Variants in STS observed in about 807,000 individuals in gnomAD.
STS encodes steryl-sulfatase.
In STS, 7 loss-of-function variants were observed where a neutral mutation model predicts 26.8. The observed-to-expected ratio is 0.26, with a 90% CI of 0.15 to 0.49. The LOEUF is 0.49. Ranked by LOEUF, STS falls within the 20% of genes least tolerant of loss-of-function variation. STS has a pLI of 0.98. For synonymous variants in STS, 199 were observed against 189.4 expected (o/e 1.05, Z -0.42); for missense variants, 434 against 465.6 (o/e 0.93, Z 0.63).
chrX:7,147,560 T>C (rs192925771), upstream of STS, among the ~76,000 whole-genome samples: 109 of 112,178 alleles, frequency 9.7e-4, no homozygotes, highest in African/African-American at 3.3e-3. Flanking sequence ...TGCAGGATGC[T>C]ACCATCAAAG....
intron 6 of STS, among the ~76,000 whole-genome samples, chrX:7,271,198 C>T (rs1230703784): frequency 1.8e-5 from 2 of 110,549 alleles, no homozygotes. Context: ...TATCTATTTT[C>T]CTTAACTTTA....
At chrX:7,311,588 C>T (rs1295509507) in intron 8 of STS, among the ~76,000 whole-genome samples, 1 of 112,359 alleles carries the variant, frequency 8.9e-6, no homozygotes, top group Non-Finnish European at 1.9e-5. Flanking sequence ...TGGCTCACAC[C>T]TGTAATCCCA....
intron 2 of STS, among the ~76,000 whole-genome samples, chrX:7,197,738 G>A (rs1199410507): frequency 9.9e-5 from 11 of 111,253 alleles, no homozygotes; most frequent in Admixed American, 2.9e-4. Flanking sequence ...TCCCTTAACC[G>A]TAAACATCTA....
chrX:7,308,103 C>G (rs925570409), intron 8 of STS, among the ~76,000 whole-genome samples: 1 of 112,135 alleles, frequency 8.9e-6, no homozygotes, highest in Non-Finnish European at 1.9e-5. Flanking sequence ...TAAGAGGGGT[C>G]CCTGCTCCAT....
At position 7,322,906 on chromosome X, in the gene STS, G is replaced by A. The variant is rs745949181; in HGVS notation, c.1082-2433G>A. 6.3e-5 allele frequency among the ~76,000 whole-genome samples: 7 copies of A among 111,954 alleles called. No individual in the cohort carries two copies. The South Asian group carries it at 1.1e-3, about 18-fold the overall frequency. ...TGAACTCACCCTTCCTGCCTCTGCC[G>A]GTACCCTTTCGATGCTGTATTTAAT... is the stretch of plus-strand genomic sequence containing the variant. On this transcript the variant is annotated intron_variant, in intron 8 of 10. Coordinates refer to ENST00000674429, the MANE Select transcript of STS (RefSeq NM_001320752.2).
intron 2 of STS, among the ~76,000 whole-genome samples, chrX:7,232,546 C>G (rs1380558534): frequency 9.0e-6 from 1 of 111,372 alleles, no homozygotes; most frequent in Non-Finnish European, 1.9e-5. Flanking sequence ...TTATTTTCAC[C>G]TTTACTTATA....
At chrX:7,252,254 A>G (rs1923172955) in intron 2 of STS, 1 of 749,764 alleles carries the variant, frequency 1.3e-6, no homozygotes, top group African/African-American at 2.3e-5. Context: ...TTTGAGAGTA[A>G]GAACCTGGCT....
At chrX:7,282,650 G>C (rs1408790292) in intron 7 of STS, among the ~76,000 whole-genome samples, 1 of 112,654 alleles carries the variant, frequency 8.9e-6, no homozygotes. Context: ...TGCTGTCTGA[G>C]AGCCATCTCG....
At position 7,231,266 on chromosome X, in the gene STS, C is replaced by CT. The variant is rs1922047045; in HGVS notation, c.-4-21929dup. 3.6e-5 allele frequency among the ~76,000 whole-genome samples: 4 copies of CT among 112,125 alleles called. No homozygotes were observed. The Admixed American group carries it at 3.8e-4, about 11-fold the overall frequency. Reference sequence around the variant, plus strand: ...GAAAATGTTCTGGAATGAGATACACCTGACAGTTGTACAACATTGTTGTAC... The same window carrying CT: ...GAAAATGTTCTGGAATGAGATACACCTTGACAGTTGTACAACATTGTTGTAC... On this transcript the variant is annotated intron_variant, in intron 2 of 10. Transcript: ENST00000674429.
chrX:7,182,876 G>A (rs758935184), intron 1 of STS, among the ~76,000 whole-genome samples: 167 of 110,689 alleles, frequency 1.5e-3, no homozygotes, highest in Middle Eastern at 4.7e-3. Context: ...TGATTCCCAC[G>A]ACCTCAGAAT....
intron 8 of STS, among the ~76,000 whole-genome samples, chrX:7,320,131 AT>A (rs746359189): frequency 0.02 from 1,900 of 96,353 alleles, 22 homozygotes; most frequent in African/African-American, 0.038. Flanking sequence ...TTTTATATAT[AT>A]TTTTATTATA....
chrX:7,192,161 C>G (rs956222669), intron 2 of STS, among the ~76,000 whole-genome samples: 11 of 111,675 alleles, frequency 9.9e-5, no homozygotes, highest in African/African-American at 3.6e-4. Context: ...GAAGAGACTC[C>G]CAAAGTCAGA....
chrX:7,289,748 A>G (rs1048710758), intron 7 of STS, among the ~76,000 whole-genome samples: 1 of 111,461 alleles, frequency 9.0e-6, no homozygotes, highest in South Asian at 3.8e-4. Flanking sequence ...AGCTTCAAGC[A>G]ATCTTCCTGC....
intron 1 of STS, among the ~76,000 whole-genome samples, chrX:7,156,129 G>T (rs1167533029): frequency 9.2e-6 from 1 of 109,031 alleles, no homozygotes; most frequent in Non-Finnish European, 1.9e-5. Context: ...TCCAGCCTGG[G>T]TGTCATAGTG....
At chrX:7,195,113 A>C (rs778853062) in intron 2 of STS, among the ~76,000 whole-genome samples, 1 of 112,322 alleles carries the variant, frequency 8.9e-6, no homozygotes, top group Non-Finnish European at 1.9e-5. Context: ...GTAGTACATG[A>C]CTATATTTAT....
chrX:7,228,300 G>A (rs886432122), intron 2 of STS, among the ~76,000 whole-genome samples: 3 of 111,516 alleles, frequency 2.7e-5, no homozygotes, highest in Non-Finnish European at 3.8e-5. Flanking sequence ...AGGAAATTCT[G>A]TACTGTTTTT....
intron 2 of STS, among the ~76,000 whole-genome samples, chrX:7,251,179 C>T (rs146345808): frequency 0.041 from 4,631 of 111,597 alleles, 227 homozygotes; most frequent in African/African-American, 0.14. Flanking sequence ...AGGCCATTTC[C>T]CATCCCCCAT....
intron 6 of STS, among the ~76,000 whole-genome samples, chrX:7,266,299 T>A (rs1041813135): frequency 8.9e-6 from 1 of 112,116 alleles, no homozygotes; most frequent in Admixed American, 9.5e-5. Context: ...CTGATATGAT[T>A]TATACTCAAG....
intron 8 of STS, 36 bp from the exon 9 acceptor site, chrX:7,325,303 T>C: frequency 8.3e-7 from 1 of 1,204,689 alleles, no homozygotes; most frequent in Non-Finnish European, 1.1e-6. Context: ...GATTGAAATC[T>C]CCCTGTTGCC....
Sources: gnomAD v4.1 joint callset for allele counts (sites outside exome capture counted in the v4.1 genomes callset) on GRCh38, gnomAD v4.1.1 for gene constraint, MANE v1.5 for transcripts, NCBI Gene and HGNC (gene_info 2026-07-23, HGNC 2026-07-21) for gene names.